ROBO1: variants seen among roughly 807,000 people sequenced by gnomAD.
ROBO1 encodes roundabout homolog 1.
ROBO1 carries 149 observed loss-of-function variants against 195.9 expected under a neutral mutation model. That is an observed-to-expected ratio of 0.76 (90% confidence interval 0.67 to 0.87). The LOEUF (loss-of-function observed/expected upper bound fraction) is 0.87. ROBO1 is among the 40% of genes least tolerant of loss of function. The pLI is 0.00. For synonymous variants in ROBO1, 816 were observed against 733.2 expected, an observed-to-expected ratio of 1.11 and a Z score of -1.82; for missense variants, 1,933 against 2,068.3, an observed-to-expected ratio of 0.93 and a Z score of 1.27.
chr3:79,308,811 C>T (rs1341026191), intron 2 of ROBO1, among the ~76,000 whole-genome samples: 2 of 152,154 alleles, frequency 1.3e-5, no homozygotes, highest in African/African-American at 4.8e-5. Context: ...AAATGAAATT[C>T]CATAGCTATT....
chr3:78,769,979 C>T (rs997499552), intron 4 of ROBO1, among the ~76,000 whole-genome samples: 1 of 152,092 alleles, frequency 6.6e-6, no homozygotes, highest in Non-Finnish European at 1.5e-5. Flanking sequence ...TTATAGTTTT[C>T]CTGGTGCTTC....
At chr3:79,072,585 T>C (rs977600074) in intron 3 of ROBO1, among the ~76,000 whole-genome samples, 9 of 151,950 alleles carry the variant, frequency 5.9e-5, no homozygotes, top group Non-Finnish European at 1.2e-4. Context: ...CCTATAGTTC[T>C]GCCTGGCTCC....
At chr3:78,630,697 G>C (rs541574681) in intron 25 of ROBO1, among the ~76,000 whole-genome samples, 6 of 152,224 alleles carry the variant, frequency 3.9e-5, no homozygotes, top group African/African-American at 1.4e-4. Context: ...GTCTTTGGGA[G>C]AAACAATCCA....
chr3:79,044,895 CTTTT>C (rs1373111379), intron 3 of ROBO1, among the ~76,000 whole-genome samples: 1 of 151,676 alleles, frequency 6.6e-6, no homozygotes, highest in Non-Finnish European at 1.5e-5. Flanking sequence ...TCAGTTTCCC[CTTTT>C]TTTGTTTGAA....
At position 78,750,454 on chromosome 3, in the gene ROBO1, A is replaced by AAAATAAATAAAT. The variant is rs60201979; in HGVS notation, c.500-3566_500-3555dup. ...GGCAACAGAGCAAGACTCCATCTCAAAAATAAATAAATAAATAAATAAATA... is the reference window on the plus strand; with the variant it reads ...GGCAACAGAGCAAGACTCCATCTCAAAAATAAATAAATAAATAAATAAATAAATAAATAAATA... On this transcript the variant is annotated intron_variant, in intron 4 of 30. Transcript: ENST00000464233. 2.9e-3 allele frequency among the ~76,000 whole-genome samples: 391 copies of AAAATAAATAAAT among 135,998 alleles called. 1 individual carries two copies. Among genetic ancestry groups the AAAATAAATAAAT allele is most frequent in the East Asian group, 6.2e-3 (29 of 4,688 alleles). The allele number at this position is 135,998 out of a possible 152,430, so 89.2% of individuals were successfully genotyped here. A position where few individuals can be genotyped will look rare whatever the true frequency, so the allele number is the denominator to read the frequency against.
At chr3:79,606,877 G>A (rs770854444) in intron 1 of ROBO1, among the ~76,000 whole-genome samples, 1 of 151,806 alleles carries the variant, frequency 6.6e-6, no homozygotes, top group African/African-American at 2.4e-5. Context: ...AATTTTTGAA[G>A]TAAGTTATTG....
At chr3:78,815,976 C>T (rs190090115) in intron 4 of ROBO1, among the ~76,000 whole-genome samples, 2 of 152,102 alleles carry the variant, frequency 1.3e-5, no homozygotes, top group East Asian at 1.9e-4. Context: ...CTAAGATAAC[C>T]GATGAAGGTG....
intron 2 of ROBO1, among the ~76,000 whole-genome samples, chr3:79,138,993 C>A (rs968881275): frequency 5.3e-5 from 8 of 151,456 alleles, no homozygotes; most frequent in African/African-American, 1.9e-4. Context: ...TGTTACAATT[C>A]TCAAAAAAAG....
intron 3 of ROBO1, among the ~76,000 whole-genome samples, chr3:79,039,421 G>T (rs1457537347): frequency 6.6e-6 from 1 of 152,134 alleles, no homozygotes; most frequent in Admixed American, 6.5e-5. Context: ...GGAGATTAGG[G>T]AGTATTGTAC....
intron 2 of ROBO1, among the ~76,000 whole-genome samples, chr3:79,459,895 G>A (rs939390954): frequency 2.0e-5 from 3 of 152,004 alleles, no homozygotes; most frequent in Non-Finnish European, 4.4e-5. Flanking sequence ...CATTACAAAT[G>A]GTGGTTACAA....
intron 29 of ROBO1, among the ~76,000 whole-genome samples, chr3:78,604,409 T>C (rs1374714104): frequency 6.6e-6 from 1 of 152,200 alleles, no homozygotes; most frequent in Non-Finnish European, 1.5e-5. Context: ...AATTGCTCCA[T>C]ACTTTCTGGC....
chr3:78,867,113 T>C (rs2107090137), intron 4 of ROBO1, among the ~76,000 whole-genome samples: 1 of 152,334 alleles, frequency 6.6e-6, no homozygotes, highest in Non-Finnish European at 1.5e-5. Context: ...CAACTCAGTA[T>C]TTCATTAAGG....
rs189282219 is a variant in ROBO1, at chr3:78,780,218, C to G, written c.500-33318G>C. Among the ~76,000 whole-genome samples, 430 of 152,198 alleles carry G rather than the reference C, an allele frequency of 2.8e-3. 4 individuals carry two copies. Among genetic ancestry groups the G allele is most frequent in the African/African-American group, 0.01 (418 of 41,530 alleles). On this transcript the variant is annotated intron_variant, in intron 4 of 30. Coordinates refer to ENST00000464233, the MANE Select transcript of ROBO1 (RefSeq NM_002941.4). ...CGTGTATACCTGTATAACAAAGCTA[C>G]ATGTTCTGGACATGCATCCCAGAAT...
intron 3 of ROBO1, among the ~76,000 whole-genome samples, chr3:79,050,080 A>G (rs990228555): frequency 1.3e-5 from 2 of 152,184 alleles, no homozygotes; most frequent in Admixed American, 1.3e-4. Flanking sequence ...AAGTGTCCCA[A>G]TTAAAAGACA....
chr3:79,669,431 C>T (rs925162808), intron 1 of ROBO1, among the ~76,000 whole-genome samples: 3 of 151,802 alleles, frequency 2.0e-5, no homozygotes, highest in Non-Finnish European at 2.9e-5. Context: ...GTAACACAAT[C>T]GTAATGCAAC....
intron 1 of ROBO1, among the ~76,000 whole-genome samples, chr3:79,624,153 A>C (rs1225306330): frequency 6.6e-6 from 1 of 152,178 alleles, no homozygotes; most frequent in Non-Finnish European, 1.5e-5. Flanking sequence ...ATGCTGAGGG[A>C]TTTCATTACC....
At chr3:79,196,436 A>G (rs2081637978) in intron 2 of ROBO1, among the ~76,000 whole-genome samples, 1 of 151,532 alleles carries the variant, frequency 6.6e-6, no homozygotes, top group African/African-American at 2.4e-5. Flanking sequence ...AATAAAGAGC[A>G]TGGAAACAAA....
In ROBO1 at chr3:78,659,785, A is replaced by T; in HGVS notation, c.2343T>A (p.Gly781=). 1 of 1,604,576 alleles carries T rather than the reference A, an allele frequency of 6.2e-7. No homozygotes were observed. Among genetic ancestry groups the T allele is most frequent in the Non-Finnish European group, 8.5e-7 (1 of 1,175,110 alleles). The change falls in exon 17 of 31, where the codon GGT becomes GGA. Residue 781 remains glycine, a synonymous_variant. Transcript: ENST00000464233. ...LEEAPSAPPQ[G]VTVSKNDGNG... ...TTCCATCATTCTTGGATACAGTTAC[A>T]CCTTGGGGTGGGGCACTGGGTGCTA...
At chr3:79,522,128 G>T (rs1289294266) in intron 2 of ROBO1, among the ~76,000 whole-genome samples, 2 of 152,082 alleles carry the variant, frequency 1.3e-5, no homozygotes, top group African/African-American at 4.8e-5. Flanking sequence ...CAACTCCAAA[G>T]AAATCATATT....
Sources: allele counts gnomAD v4.1 joint callset (sites outside exome capture counted in the v4.1 genomes callset), GRCh38; gene constraint gnomAD v4.1.1; transcripts MANE v1.5; gene names NCBI Gene and HGNC (gene_info 2026-07-23, HGNC 2026-07-21).